Variants in ST3GAL2 observed in about 807,000 individuals in gnomAD.
ST3GAL2 encodes the protein ST3 beta-galactoside alpha-2,3-sialyltransferase 2.
Under a neutral mutation model 37.5 loss-of-function variants are expected in ST3GAL2, and 16 were observed. That is an observed-to-expected ratio of 0.43 (90% CI 0.29 to 0.65). The LOEUF (loss-of-function observed/expected upper bound fraction) is 0.65. Among genes scored for constraint, ST3GAL2 ranks in the 30% least tolerant of loss-of-function variants. The pLI, the probability that ST3GAL2 is intolerant of heterozygous loss-of-function variation, is 0.17. For synonymous variants in ST3GAL2, 238 were observed against 202.9 expected, an observed-to-expected ratio of 1.17 and a Z score of -1.47; for missense variants, 383 against 487.8, an observed-to-expected ratio of 0.79 and a Z score of 2.02.
chr16:70,390,244 TTC>T (rs2047473896), intron 3 of ST3GAL2, among the ~76,000 whole-genome samples: 1 of 152,016 alleles, frequency 6.6e-6, no homozygotes, highest in African/African-American at 2.4e-5. Context: ...CTGTTTTGTT[TTC>T]TGTTTTGTAG....
Position 70,381,152 on chromosome 16 carries a change from G to C in ST3GAL2, c.*537C>G, listed in dbSNP as rs1435462110. 1 of 152,528 alleles carries C rather than the reference G, an allele frequency of 6.6e-6. No homozygotes were observed. Among genetic ancestry groups the C allele is most frequent in the Non-Finnish European group, 1.5e-5 (1 of 68,194 alleles). 9.4% of individuals were successfully genotyped at this position (152,528 alleles called of 1,614,324 possible). A position where few individuals can be genotyped will look rare whatever the true frequency, so the allele number is the denominator to read the frequency against. ...CCCACAGCGCGGCCGAGGTGGGACT[G>C]GGGGTCCCGCAGCGACCGCTTTTCT... On this transcript the variant is annotated 3_prime_UTR_variant, in exon 7 of 7. Transcript: ENST00000342907.
intron 1 of ST3GAL2, chr16:70,400,809 GGA>G (rs1171132074): frequency 6.6e-6 from 1 of 152,276 alleles, no homozygotes; most frequent in African/African-American, 2.4e-5. Context: ...AAGGAGATGT[GGA>G]GTTGGCTTCT....
chr16:70,409,902 G>A (rs938854627), intron 1 of ST3GAL2, among the ~76,000 whole-genome samples: 2 of 150,076 alleles, frequency 1.3e-5, no homozygotes, highest in Admixed American at 6.7e-5. Flanking sequence ...CTCCCAAGTA[G>A]CTGGGACTAC....
intron 1 of ST3GAL2, among the ~76,000 whole-genome samples, chr16:70,425,322 C>T (rs569171093): frequency 4.6e-5 from 7 of 152,184 alleles, no homozygotes; most frequent in African/African-American, 1.7e-4. Flanking sequence ...ATTAGCTGGG[C>T]GTGGTGATGT....
At chr16:70,414,240 C>G (rs913044853) in intron 1 of ST3GAL2, among the ~76,000 whole-genome samples, 1 of 152,160 alleles carries the variant, frequency 6.6e-6, no homozygotes, top group Non-Finnish European at 1.5e-5. Flanking sequence ...GAACTCTAGC[C>G]AACACAATGA....
chr16:70,426,435 G>C (rs1440740424), intron 1 of ST3GAL2, among the ~76,000 whole-genome samples: 1 of 151,786 alleles, frequency 6.6e-6, no homozygotes, highest in Non-Finnish European at 1.5e-5. Flanking sequence ...CCTGACCTCA[G>C]GCAATCCGCC....
chr16:70,381,462 CG>C lies in ST3GAL2; in HGVS notation c.*226del, dbSNP rs2047403572. 5.0e-5 allele frequency: 29 copies of C among 585,402 alleles called. No individual in the cohort carries two copies. The South Asian group carries it at 5.8e-4, about 12-fold the overall frequency. The allele number at this position is 585,402 out of a possible 1,614,324, so 36.3% of individuals were successfully genotyped here. A position where few individuals can be genotyped will look rare whatever the true frequency, so the allele number is the denominator to read the frequency against. On this transcript the variant is annotated 3_prime_UTR_variant, in exon 7 of 7. Coordinates refer to ENST00000342907, the MANE Select transcript of ST3GAL2 (RefSeq NM_006927.4). ...GATTGGAGGAGACTGGACACAGCGC[CG>C]GAAGTTTTCCTTGAGTCACATGATT...
rs2047645539 is a variant in ST3GAL2, at chr16:70,412,393, CA to C, written c.-1003-12861del. ...GTATGGCAGCTCATGCCTGTAATCCCAGCACTTTGGGAGACCACGGTGGGCA... is the reference window on the plus strand; with the variant it reads ...GTATGGCAGCTCATGCCTGTAATCCCGCACTTTGGGAGACCACGGTGGGCA... On this transcript the variant is annotated intron_variant, in intron 1 of 6. Coordinates refer to ENST00000342907, the MANE Select transcript of ST3GAL2 (RefSeq NM_006927.4). Among the ~76,000 whole-genome samples the C allele has an allele frequency of 2.0e-5, 3 of 152,270 alleles. No homozygotes were observed. The South Asian group carries it at 6.2e-4, about 32-fold the overall frequency.
rs11438171 is a variant in ST3GAL2 at position 70,379,796 on chromosome 16, ATTTTTTTT to A, written c.*1885_*1892del. ...ACCACTGCGCCTGGCTAATTTTTGT[ATTTTTTTT>A]TTTTTTTGGTAGAGACGAGGTTTCA... On this transcript the variant is annotated 3_prime_UTR_variant, in exon 7 of 7. Coordinates refer to ENST00000342907, the MANE Select transcript of ST3GAL2 (RefSeq NM_006927.4). The A allele has an allele frequency of 7.2e-6, 1 of 138,052 alleles. No individual in the cohort carries two copies. The highest frequency in any genetic ancestry group is 1.6e-5 in the Non-Finnish European group (1 of 64,236). The allele number at this position is 138,052 out of a possible 1,614,324, so 8.6% of individuals were successfully genotyped here.
At position 70,438,992 on chromosome 16, in the gene ST3GAL2, G is replaced by GGCCGCC. The variant is rs1311196523; in HGVS notation, c.-1053_-1048dup. The stretch of plus-strand genomic sequence containing the variant: ...CCGCGCGGGCCATGCTCGCCGCTCC[G>GGCCGCC]GCCGCCGCCGCCGCCCGCGCAGAAA... On this transcript the variant is annotated 5_prime_UTR_variant, in exon 1 of 7. Transcript: ENST00000342907. 1.4e-5 allele frequency: 2 copies of GGCCGCC among 142,786 alleles called. No homozygotes were observed. Among genetic ancestry groups the GGCCGCC allele is most frequent in the South Asian group, 4.1e-4 (2 of 4,886 alleles). 8.8% of individuals were successfully genotyped at this position (142,786 alleles called of 1,614,324 possible). A position where few individuals can be genotyped will look rare whatever the true frequency, so the allele number is the denominator to read the frequency against.
chr16:70,385,149 C>G (rs2047433455), intron 4 of ST3GAL2, among the ~76,000 whole-genome samples: 1 of 149,484 alleles, frequency 6.7e-6, no homozygotes, highest in Admixed American at 6.7e-5. Flanking sequence ...ACTAAAAATA[C>G]AAAAAATCAG....
chr16:70,420,723 CTTTTA>C (rs1466553001), intron 1 of ST3GAL2, among the ~76,000 whole-genome samples: 1 of 152,182 alleles, frequency 6.6e-6, no homozygotes, highest in African/African-American at 2.4e-5. Context: ...TTTTGTTCTC[CTTTTA>C]TATTTAGTAA....
At chr16:70,438,575 G>C (rs1278544654) in intron 1 of ST3GAL2, among the ~76,000 whole-genome samples, 1 of 152,090 alleles carries the variant, frequency 6.6e-6, no homozygotes, top group East Asian at 1.9e-4. Context: ...AGCAGAGGCC[G>C]GGAGACCCAG....
chr16:70,429,693 G>A (rs2047776184), intron 1 of ST3GAL2, among the ~76,000 whole-genome samples: 1 of 144,188 alleles, frequency 6.9e-6, no homozygotes, highest in Non-Finnish European at 1.5e-5. Context: ...CCAGGCTGGA[G>A]TGAAATGGGG....
chr16:70,387,247 C>A (rs1035015421), intron 4 of ST3GAL2, among the ~76,000 whole-genome samples: 6 of 150,986 alleles, frequency 4.0e-5, no homozygotes, highest in African/African-American at 1.5e-4. Context: ...CGGAATGAGA[C>A]TCCGTTTCAA....
At chr16:70,409,398 C>T (rs2047620065) in intron 1 of ST3GAL2, among the ~76,000 whole-genome samples, 1 of 151,804 alleles carries the variant, frequency 6.6e-6, no homozygotes, top group Admixed American at 6.6e-5. Context: ...GACTGGAGTA[C>T]AATGGCGTGA....
chr16:70,437,732 T>C (rs979735692), intron 1 of ST3GAL2, among the ~76,000 whole-genome samples: 9 of 152,106 alleles, frequency 5.9e-5, no homozygotes, highest in Non-Finnish European at 1.3e-4. Flanking sequence ...AGAAGCAAGA[T>C]GAAGCTTAGG....
intron 3 of ST3GAL2, among the ~76,000 whole-genome samples, chr16:70,394,438 T>G (rs2047501787): frequency 6.6e-6 from 1 of 152,050 alleles, no homozygotes; most frequent in South Asian, 2.1e-4. Context: ...AGTGAACTGG[T>G]GCAATCATAG....
At chr16:70,393,050 C>T (rs1233536940) in intron 3 of ST3GAL2, among the ~76,000 whole-genome samples, 1 of 151,774 alleles carries the variant, frequency 6.6e-6, no homozygotes, top group Non-Finnish European at 1.5e-5. Flanking sequence ...TACCACCCCC[C>T]TTCCTTACCT....
Sources: gnomAD v4.1 joint callset for allele counts (sites outside exome capture counted in the v4.1 genomes callset) on GRCh38, gnomAD v4.1.1 for gene constraint, MANE v1.5 for transcripts, NCBI Gene and HGNC (gene_info 2026-07-23, HGNC 2026-07-21) for gene names.